The following CLSTN3 variants were observed in gnomAD, a reference collection of about 807,000 sequenced individuals.
The protein encoded by CLSTN3 is calsyntenin 3.
CLSTN3 carries 36 observed loss-of-function variants against 95.9 expected under a neutral mutation model. The observed-to-expected ratio is 0.38, with a 90% CI of 0.29 to 0.50. The LOEUF (loss-of-function observed/expected upper bound fraction) is 0.50, where lower values mean the gene tolerates loss of function less well. CLSTN3 is among the 20% of genes least tolerant of loss of function. The pLI, the probability that CLSTN3 is intolerant of heterozygous loss-of-function variation, is 0.95. For missense variants in CLSTN3, 1,084 were observed against 1,268.8 expected (o/e 0.85, Z 2.21); for synonymous variants, 481 against 504.0 (o/e 0.95, Z 0.61).
In CLSTN3 at chr12:7,137,031, C is replaced by T; in HGVS notation, c.1131C>T (p.Ser377=). The change falls in exon 7 of 18, where the codon TCC becomes TCT. Residue 377 remains serine, a synonymous_variant. Transcript: ENST00000266546. The surrounding 1 kb of genome is among the most constrained non-coding windows in gnomAD (Gnocchi z 4.4). ...QDSLSDHFTL[S]FWMKHGVTPN... is the part of the protein sequence containing the mutation. The stretch of plus-strand genomic sequence containing the variant: ...GCCTCAGTGACCACTTCACCCTGTC[C>T]TTCTGGATGAAGCATGGCGTAACTC... The T allele has an allele frequency of 6.2e-7, 1 of 1,614,204 alleles. No individual in the cohort carries two copies. Among genetic ancestry groups the T allele is most frequent in the East Asian group, 2.2e-5 (1 of 44,874 alleles).
chr12:7,137,823 G>GT lies in CLSTN3; in HGVS notation c.1211-132_1211-131insT. 3.3e-6 allele frequency: 1 copy of GT among 302,238 alleles called. No individual in the cohort carries two copies. Among genetic ancestry groups the GT allele is most frequent in the Non-Finnish European group, 6.2e-6 (1 of 160,118 alleles). 18.7% of individuals were successfully genotyped at this position (302,238 alleles called of 1,614,324 possible). On this transcript the variant is annotated intron_variant, in intron 7 of 17. Coordinates refer to ENST00000266546, the MANE Select transcript of CLSTN3 (RefSeq NM_014718.4). The surrounding 1 kb of genome is among the most constrained non-coding windows in gnomAD (Gnocchi z 4.4). ...GAGAGAGAGAGAGAGAGAGAGAGAGGAAAGAAAAATGCTAGAGAACGAGGG... is the reference window on the plus strand; with the variant it reads ...GAGAGAGAGAGAGAGAGAGAGAGAGGTAAAGAAAAATGCTAGAGAACGAGGG...
intron 8 of CLSTN3, among the ~76,000 whole-genome samples, chr12:7,139,656 ATT>A (rs34540926): frequency 1.3e-4 from 18 of 143,164 alleles, no homozygotes; most frequent in Non-Finnish European, 1.7e-4. Flanking sequence ...TATTATTATT[ATT>A]TTTTTTTTTG....
chr12:7,149,386 A>G lies in CLSTN3; in HGVS notation c.2075-137A>G, dbSNP rs3816423. On this transcript the variant is annotated intron_variant, in intron 13 of 17. Transcript: ENST00000266546. The surrounding 1 kb of genome is among the most constrained non-coding windows in gnomAD (Gnocchi z 4.5). The stretch of plus-strand genomic sequence containing the variant: ...GGTGGAAATGAATTGTTGCATAATG[A>G]TATTCTTGAAAATGATGCTGACTTC... 0.2 allele frequency: 177,956 copies of G among 907,450 alleles called. 19,374 individuals carry two copies. Among genetic ancestry groups the G allele is most frequent in the Middle Eastern group, 0.23 (1,009 of 4,386 alleles). The allele number at this position is 907,450 out of a possible 1,614,324, so 56.2% of individuals were successfully genotyped here.
Position 7,157,783 on chromosome 12 carries a change from G to T in CLSTN3, c.2730+92G>T, listed in dbSNP as rs1345083123. The T allele has an allele frequency of 1.5e-5, 23 of 1,497,654 alleles. No individual in the cohort carries two copies. The highest frequency in any genetic ancestry group is 2.0e-5 in the Admixed American group (1 of 49,942). 92.8% of individuals were successfully genotyped at this position (1,497,654 alleles called of 1,614,324 possible). ...TGAGGAGGGGCAGGCCTGGGTGGAG[G>T]CTGTTCGCAGAGCTGCAGTGAGCCG... On this transcript the variant is annotated intron_variant, in intron 17 of 17. Coordinates refer to ENST00000266546, the MANE Select transcript of CLSTN3 (RefSeq NM_014718.4). This position sits in a 1 kb window ranked among gnomAD's most constrained non-coding sequence, Gnocchi z 5.9.
rs1939439211 is a variant in CLSTN3, at chr12:7,137,017, C to T, written c.1117C>T (p.His373Tyr). The T allele has an allele frequency of 6.2e-7, 1 of 1,614,216 alleles. No homozygotes were observed. Among genetic ancestry groups the T allele is most frequent in the East Asian group, 2.2e-5 (1 of 44,876 alleles). The change falls in exon 7 of 18, where the codon CAC becomes TAC. Residue 373 changes from histidine (H) to tyrosine (Y), a missense_variant. His to Tyr is a moderately conservative substitution (Grantham distance 83). Coordinates refer to ENST00000266546, the MANE Select transcript of CLSTN3 (RefSeq NM_014718.4). The surrounding 1 kb of genome is among the most constrained non-coding windows in gnomAD (Gnocchi z 4.4). ...GSGPQDSLSD[H>Y]FTLSFWMKHG... ...TGGGCCCCAGGACAGCCTCAGTGAC[C>T]ACTTCACCCTGTCCTTCTGGATGAA...
upstream of CLSTN3, chr12:7,129,508 T>G: frequency 1.7e-6 from 1 of 602,820 alleles, no homozygotes; most frequent in Non-Finnish European, 2.1e-6. This position sits in a 1 kb window ranked among gnomAD's most constrained non-coding sequence, Gnocchi z 5.5. Flanking sequence ...CTGAGAGGAG[T>G]TTGTTGGCTA....
chr12:7,149,528 GAC>G lies in CLSTN3; in HGVS notation c.2085_2086del (p.Arg696HisfsTer4). ...KDESWQGTVT[D>X]TRMSDEIVHN... ...CCCTACTATCCCCAACCCAGTGACA[GAC>G]ACACGCATGTCGGATGAGATTGTGC... On this transcript the variant is annotated frameshift_variant, in exon 14 of 18. Transcript: ENST00000266546. LOFTEE classifies it high-confidence loss of function. The surrounding 1 kb of genome is among the most constrained non-coding windows in gnomAD (Gnocchi z 4.5). 1 of 1,611,666 alleles carries G rather than the reference GAC, an allele frequency of 6.2e-7. No homozygotes were observed. The highest frequency in any genetic ancestry group is 8.5e-7 in the Non-Finnish European group (1 of 1,178,464).
Position 7,133,975 on chromosome 12 carries a change from C to G in CLSTN3, c.383+207C>G. The G allele has an allele frequency of 4.3e-6, 2 of 466,996 alleles. No individual in the cohort carries two copies. The highest frequency in any genetic ancestry group is 2.0e-5 in the African/African-American group (1 of 49,570). The allele number at this position is 466,996 out of a possible 1,614,324, so 28.9% of individuals were successfully genotyped here. On this transcript the variant is annotated intron_variant, in intron 3 of 17. Coordinates refer to ENST00000266546, the MANE Select transcript of CLSTN3 (RefSeq NM_014718.4). The surrounding 1 kb of genome is among the most constrained non-coding windows in gnomAD (Gnocchi z 4.7). ...AAACGTATAGTAGAGTTCAGTGGAT[C>G]TAATCTTGGCTTTGCCTCTCATGAC...
intron 16 of CLSTN3, among the ~76,000 whole-genome samples, chr12:7,155,077 G>C (rs1436364036): frequency 6.6e-6 from 1 of 152,166 alleles, no homozygotes; most frequent in Admixed American, 6.5e-5. Context: ...AGAGAGCACC[G>C]TGTGGGGCCA....
chr12:7,148,470 G>A (rs1410629715), intron 12 of CLSTN3, among the ~76,000 whole-genome samples: 1 of 152,184 alleles, frequency 6.6e-6, no homozygotes, highest in African/African-American at 2.4e-5. Flanking sequence ...CGATATTGAA[G>A]GGAATGAAAG....
chr12:7,135,947 T>C lies in CLSTN3; in HGVS notation c.736T>C (p.Trp246Arg). 6.2e-7 allele frequency: 1 copy of C among 1,608,696 alleles called. No homozygotes were observed. The highest frequency in any genetic ancestry group is 8.5e-7 in the Non-Finnish European group (1 of 1,177,872). Reference protein sequence around the residue: ...IQVKPTCKPSWQGWNKRIEYA... With the variant: ...IQVKPTCKPSRQGWNKRIEYA... ...GGTGAAGCCCACCTGTAAACCCAGCTGGCAAGGTGAGAGCTCAGCGCTGTG... is the reference window on the plus strand; with the variant it reads ...GGTGAAGCCCACCTGTAAACCCAGCCGGCAAGGTGAGAGCTCAGCGCTGTG... The change falls in exon 5 of 18, where the codon TGG (tryptophan) becomes CGG (arginine). Residue 246 changes from tryptophan (W) to arginine (R), a missense_variant. Trp to Arg is a moderately radical substitution (Grantham distance 101). Coordinates refer to ENST00000266546, the MANE Select transcript of CLSTN3 (RefSeq NM_014718.4).
chr12:7,147,904 C>T (rs1939649144), intron 12 of CLSTN3, among the ~76,000 whole-genome samples: 1 of 152,026 alleles, frequency 6.6e-6, no homozygotes, highest in African/African-American at 2.4e-5. Context: ...CCTGTAATCC[C>T]AGCACTTTGG....
chr12:7,153,342 A>G (rs1286131112), intron 16 of CLSTN3, among the ~76,000 whole-genome samples: 1 of 152,138 alleles, frequency 6.6e-6, no homozygotes, highest in East Asian at 1.9e-4. Context: ...ACAAGGTCTC[A>G]CTTTGTTGCT....
Position 7,133,167 on chromosome 12 carries a change from G to A in CLSTN3, c.187+21G>A, listed in dbSNP as rs1438522158. ...TGCAGGTAATTGGGATTGGGGGATG[G>A]CAAGGCAGGGTAGGACAGAGAAAAG... On this transcript the variant is annotated intron_variant, in intron 2 of 17. Coordinates refer to ENST00000266546, the MANE Select transcript of CLSTN3 (RefSeq NM_014718.4). The surrounding 1 kb of genome is among the most constrained non-coding windows in gnomAD (Gnocchi z 4.7). 1 of 1,610,894 alleles carries A rather than the reference G, an allele frequency of 6.2e-7. No homozygotes were observed. The highest frequency in any genetic ancestry group is 1.3e-5 in the African/African-American group (1 of 74,886).
rs775187858 is a variant in CLSTN3 at position 7,133,610 on chromosome 12, G to A, written c.225G>A (p.Val75=). The A allele has an allele frequency of 6.2e-7, 1 of 1,614,096 alleles. No individual in the cohort carries two copies. Among genetic ancestry groups the A allele is most frequent in the Non-Finnish European group, 8.5e-7 (1 of 1,180,004 alleles). The part of the protein sequence containing the change: ...ICGFRLHGSG[V]PFEAVILDKA... ...GCTTCCGGCTCCATGGGTCTGGGGT[G>A]CCCTTTGAGGCTGTGATCCTTGACA... is the stretch of plus-strand genomic sequence containing the variant. Residue 75 remains valine, a synonymous_variant, in exon 3 of 18, where the codon GTG becomes GTA. Transcript: ENST00000266546. The surrounding 1 kb of genome is among the most constrained non-coding windows in gnomAD (Gnocchi z 4.7).
chr12:7,142,408 G>C (rs1014039901), intron 10 of CLSTN3, among the ~76,000 whole-genome samples: 2 of 152,126 alleles, frequency 1.3e-5, no homozygotes, highest in African/African-American at 4.8e-5. Context: ...GAGGTGGCAG[G>C]AGTCAGGAGT....
At chr12:7,151,139 C>T in intron 16 of CLSTN3, 76 bp downstream of exon 16, 7 of 1,435,406 alleles carry the variant, frequency 4.9e-6, no homozygotes, top group Non-Finnish European at 5.5e-6. Flanking sequence ...TCCTCCCCCT[C>T]CACCTCTGGG....
Position 7,157,647 on chromosome 12 carries a change from T to C in CLSTN3, c.2686T>C (p.Phe896Leu). The C allele has an allele frequency of 6.2e-7, 1 of 1,607,130 alleles. No individual in the cohort carries two copies. Among genetic ancestry groups the C allele is most frequent in the South Asian group, 1.1e-5 (1 of 89,942 alleles). ...ASSDPKDPDL[F>L]WDDSALTIIV... The stretch of plus-strand genomic sequence containing the variant: ...CAGTGACCCCAAGGACCCAGACCTC[T>C]TCTGGGATGACTCAGCTCTCACCAT... Residue 896 changes from phenylalanine to leucine, a missense_variant, in exon 17 of 18, where the codon TTC becomes CTC. By Grantham distance (22) the Phe-to-Leu change is conservative (BLOSUM62 0). Coordinates refer to ENST00000266546, the MANE Select transcript of CLSTN3 (RefSeq NM_014718.4). This position sits in a 1 kb window ranked among gnomAD's most constrained non-coding sequence, Gnocchi z 5.9.
intron 16 of CLSTN3, among the ~76,000 whole-genome samples, chr12:7,155,654 CT>C (rs1661330492): frequency 1.3e-5 from 2 of 152,378 alleles, no homozygotes; most frequent in South Asian, 4.1e-4. Context: ...GCTCTGTCCC[CT>C]CCTCCCTTAT....
Sources: allele counts gnomAD v4.1 joint callset (sites outside exome capture counted in the v4.1 genomes callset), GRCh38; gene constraint gnomAD v4.1.1; non-coding constraint Gnocchi (gnomAD v3.1); transcripts MANE v1.5; gene names NCBI Gene and HGNC (gene_info 2026-07-23, HGNC 2026-07-21).